NELL1: variants seen among roughly 807,000 people sequenced by gnomAD.
NELL1 encodes protein kinase C-binding protein NELL1.
NELL1 carries 76 observed loss-of-function variants against 107.4 expected under a neutral mutation model. That is an observed-to-expected ratio of 0.71 (90% CI 0.59 to 0.86). The LOEUF (loss-of-function observed/expected upper bound fraction) is 0.86. Among genes scored for constraint, NELL1 ranks in the 40% least tolerant of loss-of-function variants. The pLI, the probability that NELL1 is intolerant of heterozygous loss-of-function variation, is 0.00. For synonymous variants in NELL1, 353 were observed against 341.2 expected (o/e 1.03, Z -0.38); for missense variants, 1,024 against 1,005.5 (o/e 1.02, Z -0.25).
chr11:20,749,456 C>G (rs1856084570), intron 2 of NELL1, among the ~76,000 whole-genome samples: 1 of 151,792 alleles, frequency 6.6e-6, no homozygotes, highest in Non-Finnish European at 1.5e-5. Flanking sequence ...AAAAAATTAT[C>G]CAGGCATAGT....
chr11:20,941,492 T>G (rs1850854404), intron 10 of NELL1, among the ~76,000 whole-genome samples: 1 of 152,198 alleles, frequency 6.6e-6, no homozygotes, highest in Non-Finnish European at 1.5e-5. Flanking sequence ...AGAGCTGGGT[T>G]GGAGAACATA....
chr11:21,488,281 A>C (rs561390371), intron 15 of NELL1, among the ~76,000 whole-genome samples: 92 of 152,292 alleles, frequency 6.0e-4, no homozygotes, highest in African/African-American at 2.2e-3. Context: ...AGGCAACACA[A>C]AAATTCTCAA....
At chr11:21,046,511 G>A (rs1190140944) in intron 12 of NELL1, among the ~76,000 whole-genome samples, 1 of 151,936 alleles carries the variant, frequency 6.6e-6, no homozygotes, top group Non-Finnish European at 1.5e-5. Flanking sequence ...ATTACTTGAT[G>A]AAAATGCAAA....
chr11:21,167,611 A>G (rs10500895), intron 13 of NELL1, among the ~76,000 whole-genome samples: 37,206 of 151,782 alleles, frequency 0.25, 5,365 homozygotes, highest in East Asian at 0.5. Context: ...ATACCTTATT[A>G]TAGTTGCACT....
At chr11:21,188,645 C>G (rs1482947268) in intron 13 of NELL1, among the ~76,000 whole-genome samples, 1 of 151,776 alleles carries the variant, frequency 6.6e-6, no homozygotes, top group South Asian at 2.1e-4. Flanking sequence ...AGAAGCAATG[C>G]AAAATATACA....
At chr11:21,401,323 A>G (rs1852092443) in intron 15 of NELL1, among the ~76,000 whole-genome samples, 1 of 151,852 alleles carries the variant, frequency 6.6e-6, no homozygotes, top group Non-Finnish European at 1.5e-5. Context: ...AATGTAAGAA[A>G]CAGATAATTA....
chr11:21,495,136 C>G (rs950256138), intron 15 of NELL1, among the ~76,000 whole-genome samples: 15 of 152,120 alleles, frequency 9.9e-5, no homozygotes, highest in Non-Finnish European at 1.9e-4. Flanking sequence ...AAAGAAACTC[C>G]GTACTCATTA....
chr11:20,920,467 T>C (rs1012319240), intron 7 of NELL1, among the ~76,000 whole-genome samples: 1 of 152,082 alleles, frequency 6.6e-6, no homozygotes, highest in Admixed American at 6.6e-5. Context: ...TGGAAAACTT[T>C]TGTAAGAAAA....
At chr11:21,490,002 A>T (rs1321341687) in intron 15 of NELL1, among the ~76,000 whole-genome samples, 1 of 152,148 alleles carries the variant, frequency 6.6e-6, no homozygotes, top group East Asian at 1.9e-4. Flanking sequence ...AGAGGAAGTC[A>T]GATTTTCTCT....
chr11:21,255,019 G>A lies in NELL1; in HGVS notation c.1549+25565G>A, dbSNP rs75451470. 1.9e-3 allele frequency among the ~76,000 whole-genome samples: 295 copies of A among 152,206 alleles called. 2 individuals are homozygous for A. Among genetic ancestry groups the A allele is most frequent in the African/African-American group, 6.7e-3 (280 of 41,548 alleles). On this transcript the variant is annotated intron_variant, in intron 14 of 19. Coordinates refer to ENST00000357134, the MANE Select transcript of NELL1 (RefSeq NM_006157.5). Reference sequence around the variant, plus strand: ...AATGACAGACATGCTGGGCTAGGATGAGCTAATTTACAGGGTAGAATGCAC... The same window carrying A: ...AATGACAGACATGCTGGGCTAGGATAAGCTAATTTACAGGGTAGAATGCAC...
chr11:21,385,951 T>A (rs902205624), intron 15 of NELL1, among the ~76,000 whole-genome samples: 1 of 151,914 alleles, frequency 6.6e-6, no homozygotes, highest in Non-Finnish European at 1.5e-5. Context: ...CCCCATCTTT[T>A]CCTATTTTCT....
chr11:21,361,638 C>T (rs1397977704), intron 14 of NELL1, among the ~76,000 whole-genome samples: 1 of 152,102 alleles, frequency 6.6e-6, no homozygotes, highest in African/African-American at 2.4e-5. Flanking sequence ...TATGTTTGCC[C>T]ATTTAACAGA....
chr11:21,408,488 C>T (rs1852287336), intron 15 of NELL1, among the ~76,000 whole-genome samples: 1 of 152,050 alleles, frequency 6.6e-6, no homozygotes, highest in Non-Finnish European at 1.5e-5. Context: ...GCTCTACTTA[C>T]AGACATATAG....
intron 2 of NELL1, among the ~76,000 whole-genome samples, chr11:20,736,249 C>G (rs1390828246): frequency 6.6e-6 from 1 of 152,016 alleles, no homozygotes; most frequent in Non-Finnish European, 1.5e-5. Flanking sequence ...TTCTCACATG[C>G]TCTCCAAACA....
chr11:21,248,042 C>T (rs2133906484), intron 14 of NELL1, among the ~76,000 whole-genome samples: 1 of 152,222 alleles, frequency 6.6e-6, no homozygotes, highest in African/African-American at 2.4e-5. Context: ...GCCAGTATCT[C>T]TGGTACAAAA....
intron 5 of NELL1, among the ~76,000 whole-genome samples, chr11:20,895,290 A>AAAAC: frequency 8.8e-6 from 1 of 113,164 alleles, no homozygotes; most frequent in Non-Finnish European, 1.7e-5. Context: ...AAAAAAAAAA[A>AAAAC]AAAAAAAAAA....
intron 2 of NELL1, among the ~76,000 whole-genome samples, chr11:20,694,074 G>A (rs1371434215): frequency 1.3e-5 from 2 of 151,972 alleles, no homozygotes; most frequent in African/African-American, 4.8e-5. Flanking sequence ...CCAGTTGATT[G>A]CATGGGCTCC....
intron 3 of NELL1, among the ~76,000 whole-genome samples, chr11:20,840,753 G>C (rs1427083371): frequency 6.6e-6 from 1 of 152,238 alleles, no homozygotes; most frequent in Non-Finnish European, 1.5e-5. Flanking sequence ...AGTTCATCCA[G>C]GTTCAAGGGG....
intron 12 of NELL1, among the ~76,000 whole-genome samples, chr11:21,030,372 A>G (rs1245737447): frequency 6.6e-6 from 1 of 152,186 alleles, no homozygotes; most frequent in African/African-American, 2.4e-5. Flanking sequence ...GACAGCAGTT[A>G]TACATGAAAT....
Sources: allele counts gnomAD v4.1 joint callset (sites outside exome capture counted in the v4.1 genomes callset), GRCh38; gene constraint gnomAD v4.1.1; transcripts MANE v1.5; gene names NCBI Gene and HGNC (gene_info 2026-07-23, HGNC 2026-07-21).